BLOC1S3: variants seen among roughly 807,000 people sequenced by gnomAD.
BLOC1S3 encodes the protein biogenesis of lysosome-related organelles complex 1 subunit 3.
Under a neutral mutation model 9.1 loss-of-function variants are expected in BLOC1S3, and 7 were observed. The ratio of observed to expected loss-of-function variants is 0.77; its 90% CI spans 0.44 to 1.45. BLOC1S3 has a LOEUF of 1.45. Among genes scored for constraint, BLOC1S3 ranks in the 40% most tolerant of loss-of-function variants. The probability of loss-of-function intolerance (pLI) is 0.01; values close to 1 mark genes in which losing one functional copy is unlikely to be tolerated. For synonymous variants in BLOC1S3, 145 were observed against 158.4 expected (o/e 0.92, Z 0.64); for missense variants, 307 against 315.2 (o/e 0.97, Z 0.20).
chr19:45,207,052 G>C (rs541697756), intron 3 of BLOC1S3, among the ~76,000 whole-genome samples: 50 of 152,158 alleles, frequency 3.3e-4, no homozygotes, highest in African/African-American at 1.2e-3. Flanking sequence ...GGCCAGGCTG[G>C]TCTTGAACTC....
At chr19:45,216,526 C>T (rs989490739) in intron 3 of BLOC1S3, 21 of 194,614 alleles carry the variant, frequency 1.1e-4, no homozygotes, top group African/African-American at 2.1e-4. Flanking sequence ...TTACAGTGAG[C>T]GGAGACTGCA....
rs1424900118 is a variant in BLOC1S3 at position 45,195,569 on chromosome 19, C to CCCTCCCTCCTTT, written n.181-6828_181-6827insTTTCCTCCCTCC. On this transcript the variant is annotated intron_variant and non_coding_transcript_variant, in intron 2 of 3. Coordinates refer to the BLOC1S3 transcript ENST00000591569. ...CTCCTCCCTCCCTCCTTCCCTCCCTCCCTCCCTCCCTCCCTCTCTCCCTTC... is the reference window on the plus strand; with the variant it reads ...CTCCTCCCTCCCTCCTTCCCTCCCTCCCTCCCTCCTTTCCTCCCTCCCTCCCTCTCTCCCTTC... Among the ~76,000 whole-genome samples the CCCTCCCTCCTTT allele has an allele frequency of 8.1e-3, 1,095 of 134,480 alleles. 20 individuals are homozygous for CCCTCCCTCCTTT. The highest frequency in any genetic ancestry group is 0.028 in the African/African-American group (1,025 of 36,934). The allele number at this position is 134,480 out of a possible 152,430, so 88.2% of individuals were successfully genotyped here.
rs34965337 is a variant in BLOC1S3, at chr19:45,180,235, A to ATTTT, written c.*351_*354dup. On this transcript the variant is annotated 3_prime_UTR_variant, in exon 2 of 2. Coordinates refer to ENST00000433642, the MANE Select transcript of BLOC1S3 (RefSeq NM_212550.5). ...CTGTTTCCACCCTGGGGGCTCACCA[A>ATTTT]TTTTTTTTTTTTTTTTTTTTTTTTG... 2.7e-4 allele frequency: 24 copies of ATTTT among 90,502 alleles called. No individual in the cohort carries two copies. The highest frequency in any genetic ancestry group is 6.2e-4 in the African/African-American group (11 of 17,854). 5.6% of individuals were successfully genotyped at this position (90,502 alleles called of 1,614,324 possible).
At chr19:45,190,907 G>A (rs1267224645) in intron 2 of BLOC1S3, among the ~76,000 whole-genome samples, 7 of 149,374 alleles carry the variant, frequency 4.7e-5, no homozygotes, top group East Asian at 2.0e-4. Context: ...CCAGGTTCAC[G>A]CCATTCTCCT....
intron 2 of BLOC1S3, among the ~76,000 whole-genome samples, chr19:45,189,752 T>C (rs1969591841): frequency 6.6e-6 from 1 of 151,974 alleles, no homozygotes; most frequent in Non-Finnish European, 1.5e-5. Flanking sequence ...CTTCTTTGGG[T>C]TAAATCTGCT....
At chr19:45,201,538 G>T (rs1367835884) in intron 2 of BLOC1S3, among the ~76,000 whole-genome samples, 4 of 152,154 alleles carry the variant, frequency 2.6e-5, no homozygotes, top group Non-Finnish European at 5.9e-5. Flanking sequence ...AAGCCTGCCG[G>T]GCTTGTGTCC....
At chr19:45,187,143 C>T (rs543247710), upstream of BLOC1S3, among the ~76,000 whole-genome samples, 1 of 151,950 alleles carries the variant, frequency 6.6e-6, no homozygotes, top group Non-Finnish European at 1.5e-5. Flanking sequence ...AGGATAGGGA[C>T]TGGGGCAGGG....
At chr19:45,202,807 C>T (rs1432092310) in intron 3 of BLOC1S3, among the ~76,000 whole-genome samples, 3 of 152,116 alleles carry the variant, frequency 2.0e-5, no homozygotes, top group Non-Finnish European at 4.4e-5. Context: ...GCGGCGAGCA[C>T]TCTCTGGCAA....
Position 45,180,014 on chromosome 19 carries a change from C to A in BLOC1S3, c.*109C>A. 1 of 1,323,196 alleles carries A rather than the reference C, an allele frequency of 7.6e-7. No homozygotes were observed. The highest frequency in any genetic ancestry group is 1.0e-6 in the Non-Finnish European group (1 of 963,728). 82.0% of individuals were successfully genotyped at this position (1,323,196 alleles called of 1,614,324 possible). A position where few individuals can be genotyped will look rare whatever the true frequency, so the allele number is the denominator to read the frequency against. ...TATCACCCCCCACCCCCGCTCCCAT[C>A]TTGGTGTCACCCATGGGGGCTAATC... On this transcript the variant is annotated 3_prime_UTR_variant, in exon 2 of 2. Coordinates refer to ENST00000433642, the MANE Select transcript of BLOC1S3 (RefSeq NM_212550.5).
At chr19:45,206,473 T>TTTTTTTTTTTTTTTTTTTTTA (rs1969728338) in intron 3 of BLOC1S3, among the ~76,000 whole-genome samples, 1 of 144,164 alleles carries the variant, frequency 6.9e-6, no homozygotes, top group Non-Finnish European at 1.5e-5. Context: ...TTTTTTTTTT[T>TTTTTTTTTTTTTTTTTTTTTA]GAGCAAGGAT....
intron 3 of BLOC1S3, among the ~76,000 whole-genome samples, chr19:45,204,937 T>A (rs1404807069): frequency 6.6e-6 from 1 of 152,040 alleles, no homozygotes; most frequent in Non-Finnish European, 1.5e-5. Context: ...TTTCTCCATG[T>A]TTGCTAGGCT....
At chr19:45,206,236 A>G (rs2122933712) in intron 3 of BLOC1S3, among the ~76,000 whole-genome samples, 1 of 151,690 alleles carries the variant, frequency 6.6e-6, no homozygotes, top group Admixed American at 6.6e-5. Context: ...GTATGCCTGT[A>G]ATTCCAGCTA....
At position 45,208,224 on chromosome 19, in the gene BLOC1S3, G is replaced by A. The variant is rs562479167; in HGVS notation, n.282+5717G>A. Among the ~76,000 whole-genome samples, 4 of 151,552 alleles carry A rather than the reference G, an allele frequency of 2.6e-5. No individual in the cohort carries two copies. The East Asian group carries it at 7.9e-4, about 30-fold the overall frequency. ...CCTGATCTCGTGATCTGCCCTCCTT[G>A]ACCTCCCAAAGTGCTGGGATTACAG... On this transcript the variant is annotated intron_variant and non_coding_transcript_variant, in intron 3 of 3. Transcript: ENST00000591569.
Position 45,202,129 on chromosome 19 carries a change from G to A in BLOC1S3, n.181-277G>A, listed in dbSNP as rs557756452. ...CTGGAGGCTGAGGCAGGAGAATGGC[G>A]TGAACCCGGGAGGCAGAGCTTGCAG... is the stretch of plus-strand genomic sequence containing the variant. On this transcript the variant is annotated intron_variant and non_coding_transcript_variant, in intron 2 of 3. Coordinates refer to the BLOC1S3 transcript ENST00000591569. Among the ~76,000 whole-genome samples the A allele has an allele frequency of 2.9e-4, 43 of 150,066 alleles. No individual in the cohort carries two copies. The East Asian group carries it at 3.6e-3, about 13-fold the overall frequency.
intron 3 of BLOC1S3, among the ~76,000 whole-genome samples, chr19:45,211,525 A>G (rs1394541779): frequency 1.3e-5 from 2 of 151,794 alleles, no homozygotes; most frequent in Non-Finnish European, 2.9e-5. Flanking sequence ...AAAAAAAAAA[A>G]AGAAAATGTC....
In BLOC1S3 at chr19:45,181,376, C is replaced by G. The variant is rs73939649; in HGVS notation, c.*1471C>G. 1 of 167,112 alleles carries G rather than the reference C, an allele frequency of 6.0e-6. No homozygotes were observed. The highest frequency in any genetic ancestry group is 1.5e-5 in the Non-Finnish European group (1 of 68,158). 10.4% of individuals were successfully genotyped at this position (167,112 alleles called of 1,614,324 possible). A position where few individuals can be genotyped will look rare whatever the true frequency, so the allele number is the denominator to read the frequency against. The stretch of plus-strand genomic sequence containing the variant: ...CACCCCTCCAGGCCAAGATGATGCT[C>G]GCTCTCAACTCTGTAGGCCAAGGTG... On this transcript the variant is annotated 3_prime_UTR_variant, in exon 2 of 2. Transcript: ENST00000433642.
chr19:45,197,969 A>T (rs1368637163), intron 2 of BLOC1S3, among the ~76,000 whole-genome samples: 1 of 152,114 alleles, frequency 6.6e-6, no homozygotes, highest in African/African-American at 2.4e-5. Flanking sequence ...ATATCCAACT[A>T]TCAGAGTCAT....
At chr19:45,207,492 G>C (rs1012724293) in intron 3 of BLOC1S3, among the ~76,000 whole-genome samples, 1 of 135,948 alleles carries the variant, frequency 7.4e-6, no homozygotes, top group Admixed American at 8.2e-5. Context: ...ACTTCTCGCA[G>C]TCTACATTCA....
chr19:45,179,900 G>T lies in BLOC1S3; in HGVS notation c.604G>T (p.Ala202Ser). The change falls in exon 2 of 2, where the codon GCC (alanine) becomes TCC (serine). Residue 202 changes from alanine (A) to serine (S), a missense_variant. Ala to Ser is a moderately conservative substitution (Grantham distance 99). Transcript: ENST00000433642. The surrounding 1 kb of genome is among the most constrained non-coding windows in gnomAD (Gnocchi z 4.6). The stretch of plus-strand genomic sequence containing the variant: ...GCCTGAGAAAGACCCGGGGCCGCGG[G>T]CCTAGCCATGATTCTACTTCCCAAC... Reference protein sequence around the residue: ...TEPEKDPGPRA With the variant: ...TEPEKDPGPRS The T allele has an allele frequency of 6.2e-7, 1 of 1,607,976 alleles. No individual in the cohort carries two copies. The highest frequency in any genetic ancestry group is 8.5e-7 in the Non-Finnish European group (1 of 1,177,638).
Sources: gnomAD v4.1 joint callset for allele counts (sites outside exome capture counted in the v4.1 genomes callset) on GRCh38, gnomAD v4.1.1 for gene constraint, Gnocchi (gnomAD v3.1) non-coding constraint, MANE v1.5 for transcripts, NCBI Gene and HGNC (gene_info 2026-07-23, HGNC 2026-07-21) for gene names.